Variants in CCDC178 observed in about 807,000 individuals in gnomAD.
The protein encoded by CCDC178 is coiled-coil domain containing 178.
In CCDC178, 126 loss-of-function variants were observed where a neutral mutation model predicts 117.4. The observed-to-expected ratio is 1.07, with a 90% CI of 0.93 to 1.24. The LOEUF is 1.24. Among genes scored for constraint, CCDC178 ranks in the 50% most tolerant of loss-of-function variants. The pLI, the probability that CCDC178 is intolerant of heterozygous loss-of-function variation, is 0.00. For synonymous variants in CCDC178, 283 were observed against 313.4 expected (o/e 0.90, Z 1.02); for missense variants, 1,030 against 986.9 (o/e 1.04, Z -0.59).
At chr18:33,211,485 G>A (rs1041415321) in intron 20 of CCDC178, among the ~76,000 whole-genome samples, 1 of 151,686 alleles carries the variant, frequency 6.6e-6, no homozygotes, top group Non-Finnish European at 1.5e-5. Flanking sequence ...TTTTTCTACA[G>A]GAGAAGAGCG....
At chr18:33,188,649 C>T (rs1440841753) in intron 20 of CCDC178, among the ~76,000 whole-genome samples, 2 of 152,116 alleles carry the variant, frequency 1.3e-5, no homozygotes, top group Non-Finnish European at 2.9e-5. Context: ...TAAGTGGAGG[C>T]TTCAGTTTTA....
chr18:33,329,950 CTT>C (rs1205443998), intron 10 of CCDC178, among the ~76,000 whole-genome samples: 1,053 of 64,456 alleles, frequency 0.016, 43 homozygotes, highest in Admixed American at 0.12. Flanking sequence ...TGGTCCTGGG[CTT>C]TTTTTTTTTT....
At chr18:33,382,587 G>A (rs2063449927) in intron 5 of CCDC178, among the ~76,000 whole-genome samples, 1 of 152,198 alleles carries the variant, frequency 6.6e-6, no homozygotes, top group Non-Finnish European at 1.5e-5. Context: ...TGCAGTGGGT[G>A]AGGTGACCTC....
chr18:33,369,918 G>C (rs769197422), intron 6 of CCDC178, 132 bp downstream of exon 6: 1 of 737,632 alleles, frequency 1.4e-6, no homozygotes, highest in Non-Finnish European at 2.1e-6. Context: ...TGATGCAACT[G>C]AGCAAAGATT....
At chr18:33,260,433 T>C (rs1174629055) in intron 14 of CCDC178, among the ~76,000 whole-genome samples, 1 of 150,870 alleles carries the variant, frequency 6.6e-6, no homozygotes, top group South Asian at 2.1e-4. Context: ...TTTTAATTAT[T>C]TTTGTTATTT....
intron 15 of CCDC178, among the ~76,000 whole-genome samples, chr18:33,237,997 A>T (rs1439298613): frequency 6.6e-6 from 1 of 152,218 alleles, no homozygotes; most frequent in African/African-American, 2.4e-5. Context: ...ACACCACCAC[A>T]GATTCTCTCA....
chr18:33,302,009 C>A lies in CCDC178; in HGVS notation c.1023-8697G>T, dbSNP rs553130790. ...GTAATCCCCAATGTTGGAGATGGGA[C>A]ATGCTGGGAGGTGTTTTGGTCATGG... On this transcript the variant is annotated intron_variant, in intron 11 of 22. Transcript: ENST00000383096. 2.8e-4 allele frequency among the ~76,000 whole-genome samples: 43 copies of A among 152,286 alleles called. 1 individual carries two copies. The South Asian group carries it at 8.9e-3, about 32-fold the overall frequency.
At chr18:33,212,121 A>G (rs2059115879) in intron 19 of CCDC178, 66 bp from the exon 20 acceptor site, 3 of 1,280,058 alleles carry the variant, frequency 2.3e-6, no homozygotes, top group African/African-American at 3.1e-5. Context: ...TGCATTTATG[A>G]GACATTTTAA....
intron 21 of CCDC178, among the ~76,000 whole-genome samples, chr18:32,977,894 A>T (rs778897749): frequency 9.9e-5 from 15 of 152,186 alleles, no homozygotes; most frequent in African/African-American, 1.4e-4. Context: ...AAGTAGCCAC[A>T]AATATGATAA....
intron 18 of CCDC178, among the ~76,000 whole-genome samples, chr18:33,217,504 T>C (rs2059180750): frequency 6.6e-6 from 1 of 152,000 alleles, no homozygotes; most frequent in Non-Finnish European, 1.5e-5. Flanking sequence ...TTCTTTGCCC[T>C]TAATAAATAT....
At chr18:33,381,067 T>G (rs542141294) in intron 5 of CCDC178, among the ~76,000 whole-genome samples, 1 of 152,316 alleles carries the variant, frequency 6.6e-6, no homozygotes, top group Admixed American at 6.5e-5. Context: ...TCATTCAAGT[T>G]CCTACATTAA....
chr18:33,250,304 G>T (rs534457916), intron 14 of CCDC178, among the ~76,000 whole-genome samples: 9 of 151,662 alleles, frequency 5.9e-5, no homozygotes, highest in African/African-American at 2.2e-4. Context: ...ATGCTCAGGA[G>T]GACAGTAGAA....
intron 9 of CCDC178, among the ~76,000 whole-genome samples, chr18:33,334,688 T>C (rs186277296): frequency 9.2e-5 from 14 of 152,220 alleles, no homozygotes; most frequent in African/African-American, 3.1e-4. Flanking sequence ...TTTTGATTTA[T>C]AATTTATGAT....
intron 20 of CCDC178, among the ~76,000 whole-genome samples, chr18:33,185,398 G>C (rs554556457): frequency 3.3e-5 from 5 of 152,000 alleles, no homozygotes; most frequent in Non-Finnish European, 7.4e-5. Flanking sequence ...AGTACATTGC[G>C]AATACTGCTT....
chr18:33,086,371 T>G lies in CCDC178; in HGVS notation c.2388+6390A>C, dbSNP rs548512184. ...ATAGTTGCCTCTTATTCTCTTATGTTTTATATATATGTACATATATACATG... is the reference window on the plus strand; with the variant it reads ...ATAGTTGCCTCTTATTCTCTTATGTGTTATATATATGTACATATATACATG... On this transcript the variant is annotated intron_variant, in intron 21 of 22. Coordinates refer to ENST00000383096, the MANE Select transcript of CCDC178 (RefSeq NM_001105528.4). Among the ~76,000 whole-genome samples the G allele has an allele frequency of 4.0e-5, 6 of 150,946 alleles. No homozygotes were observed. The East Asian group carries it at 1.2e-3, about 29-fold the overall frequency.
intron 21 of CCDC178, among the ~76,000 whole-genome samples, chr18:33,087,453 A>G (rs1229071965): frequency 6.6e-6 from 1 of 152,198 alleles, no homozygotes; most frequent in African/African-American, 2.4e-5. Flanking sequence ...GAAATGGGAC[A>G]GTATAAATTT....
intron 22 of CCDC178, among the ~76,000 whole-genome samples, chr18:32,970,746 C>A (rs964726747): frequency 2.0e-5 from 3 of 151,928 alleles, no homozygotes; most frequent in Non-Finnish European, 2.9e-5. Flanking sequence ...AAAATACAAC[C>A]CAGGGAGAAT....
At chr18:33,031,243 T>G (rs551654136) in intron 21 of CCDC178, among the ~76,000 whole-genome samples, 6 of 151,700 alleles carry the variant, frequency 4.0e-5, no homozygotes, top group Non-Finnish European at 8.8e-5. Context: ...TTTTGGAGTT[T>G]TTTTTTTTTT....
intron 2 of CCDC178, among the ~76,000 whole-genome samples, chr18:33,419,724 A>C (rs1338801890): frequency 2.0e-5 from 3 of 152,182 alleles, no homozygotes; most frequent in Admixed American, 2.0e-4. Flanking sequence ...GCTAATCAAA[A>C]CCACAATGCG....
Sources: gnomAD v4.1 joint callset for allele counts (sites outside exome capture counted in the v4.1 genomes callset) on GRCh38, gnomAD v4.1.1 for gene constraint, MANE v1.5 for transcripts, NCBI Gene and HGNC (gene_info 2026-07-23, HGNC 2026-07-21) for gene names.